Variants in SENP7 observed in about 807,000 individuals in gnomAD.
SENP7 encodes SUMO specific peptidase 7.
Under a neutral mutation model 141.2 loss-of-function variants are expected in SENP7, and 64 were observed. The observed-to-expected ratio is 0.45, with a 90% CI of 0.37 to 0.56. The LOEUF (loss-of-function observed/expected upper bound fraction) is 0.56, where lower values mean the gene tolerates loss of function less well. Among genes scored for constraint, SENP7 ranks in the 20% least tolerant of loss-of-function variants. SENP7 has a pLI of 0.00. For missense variants in SENP7, 1,025 were observed against 1,212.2 expected (o/e 0.85, Z 2.29); for synonymous variants, 382 against 426.4 (o/e 0.90, Z 1.28).
chr3:101,465,241 C>T (rs2063722668), intron 3 of SENP7, among the ~76,000 whole-genome samples: 1 of 152,166 alleles, frequency 6.6e-6, no homozygotes, highest in South Asian at 2.1e-4. Flanking sequence ...CCCCCTCACC[C>T]CCGCCACTGG....
intron 3 of SENP7, among the ~76,000 whole-genome samples, chr3:101,476,853 G>C (rs1439161024): frequency 6.6e-6 from 1 of 152,206 alleles, no homozygotes; most frequent in Non-Finnish European, 1.5e-5. Context: ...AATGACCAGT[G>C]ATGATGAGCT....
intron 3 of SENP7, among the ~76,000 whole-genome samples, chr3:101,478,231 T>G (rs1157954693): frequency 6.6e-6 from 1 of 151,576 alleles, no homozygotes; most frequent in Non-Finnish European, 1.5e-5. Flanking sequence ...CAAGACTGAG[T>G]GAGTAGGCCA....
chr3:101,374,876 A>C (rs758392964), intron 6 of SENP7, among the ~76,000 whole-genome samples: 6 of 152,138 alleles, frequency 3.9e-5, no homozygotes, highest in Non-Finnish European at 7.3e-5. Flanking sequence ...TATATATTAA[A>C]GGATTAATAC....
At chr3:101,484,702 A>G (rs574459448) in intron 3 of SENP7, among the ~76,000 whole-genome samples, 3 of 152,332 alleles carry the variant, frequency 2.0e-5, no homozygotes, top group Admixed American at 6.5e-5. Context: ...ATACAGGGGT[A>G]GAGGAAGCAG....
At chr3:101,340,001 A>T in intron 16 of SENP7, 94 bp downstream of exon 16, 2 of 1,407,992 alleles carry the variant, frequency 1.4e-6, no homozygotes, top group Non-Finnish European at 1.9e-6. Context: ...GCTACTTTTA[A>T]CAGAATTTAA....
chr3:101,382,346 C>CT (rs1559747571), intron 6 of SENP7, among the ~76,000 whole-genome samples: 2 of 151,880 alleles, frequency 1.3e-5, no homozygotes, highest in South Asian at 2.1e-4. Context: ...CTGACTAATT[C>CT]TTTTTTTAAA....
intron 6 of SENP7, among the ~76,000 whole-genome samples, chr3:101,385,180 T>C (rs1314166226): frequency 6.6e-6 from 1 of 152,082 alleles, no homozygotes; most frequent in African/African-American, 2.4e-5. Context: ...ACAGTATATA[T>C]ATATGTGCCA....
intron 5 of SENP7, among the ~76,000 whole-genome samples, chr3:101,411,513 A>C (rs1458249329): frequency 6.6e-6 from 1 of 152,188 alleles, no homozygotes; most frequent in African/African-American, 2.4e-5. Context: ...TACCCTGAGG[A>C]AACAAGGAAC....
intron 6 of SENP7, among the ~76,000 whole-genome samples, chr3:101,393,231 TG>T (rs2060865507): frequency 6.6e-6 from 1 of 152,078 alleles, no homozygotes; most frequent in Non-Finnish European, 1.5e-5. Context: ...GACCTGAAAA[TG>T]TAAAATTTCC....
chr3:101,361,244 T>G (rs1233729386), intron 11 of SENP7, among the ~76,000 whole-genome samples: 1 of 149,840 alleles, frequency 6.7e-6, no homozygotes, highest in African/African-American at 2.5e-5. Flanking sequence ...GAGAACCGAG[T>G]AGAATCCAGT....
intron 4 of SENP7, among the ~76,000 whole-genome samples, chr3:101,443,842 G>C (rs548059252): frequency 6.8e-6 from 1 of 146,758 alleles, no homozygotes; most frequent in Non-Finnish European, 1.5e-5. Context: ...AGGAGATTTT[G>C]GGCTGAGACG....
intron 4 of SENP7, among the ~76,000 whole-genome samples, chr3:101,443,048 G>A (rs1400000839): frequency 6.6e-6 from 1 of 152,184 alleles, no homozygotes; most frequent in African/African-American, 2.4e-5. Flanking sequence ...GAATGGTAAT[G>A]CCGAGGTTTT....
intron 4 of SENP7, among the ~76,000 whole-genome samples, chr3:101,449,909 T>C (rs532654869): frequency 6.6e-6 from 1 of 151,218 alleles, no homozygotes; most frequent in African/African-American, 2.4e-5. Flanking sequence ...CCAATTAAAA[T>C]ACACTGGCAA....
chr3:101,340,411 A>T, intron 15 of SENP7, 200 bp from the exon 16 acceptor site: 1 of 599,284 alleles, frequency 1.7e-6, no homozygotes, highest in Non-Finnish European at 2.7e-6. Flanking sequence ...ATTGAGTATT[A>T]TCTTTTCTTT....
intron 3 of SENP7, among the ~76,000 whole-genome samples, chr3:101,460,386 C>A (rs1380497917): frequency 6.6e-6 from 1 of 152,108 alleles, no homozygotes; most frequent in East Asian, 1.9e-4. Context: ...TAGAAATAAA[C>A]CCATATATCT....
chr3:101,343,639 T>A (rs1356188023), intron 14 of SENP7, 47 bp downstream of exon 14: 5 of 1,544,818 alleles, frequency 3.2e-6, no homozygotes. Flanking sequence ...AATAAATGTT[T>A]TCTGAACCTC....
At chr3:101,430,486 T>C (rs931727151) in intron 4 of SENP7, among the ~76,000 whole-genome samples, 67 of 152,228 alleles carry the variant, frequency 4.4e-4, no homozygotes, top group Non-Finnish European at 8.5e-4. Context: ...GAAGTGTTTA[T>C]AGTATTCTCT....
intron 5 of SENP7, among the ~76,000 whole-genome samples, chr3:101,410,897 A>ATTCTT (rs1217508377): frequency 6.6e-6 from 1 of 152,004 alleles, no homozygotes; most frequent in Admixed American, 6.6e-5. Context: ...AAAGAATTAG[A>ATTCTT]TATGGTATCT....
At chr3:101,415,017 C>G (rs2061571043) in intron 5 of SENP7, among the ~76,000 whole-genome samples, 1 of 152,202 alleles carries the variant, frequency 6.6e-6, no homozygotes, top group African/African-American at 2.4e-5. Flanking sequence ...AAGATATTTT[C>G]TCTTTGTTGC....
Sources: allele counts gnomAD v4.1 joint callset (sites outside exome capture counted in the v4.1 genomes callset), GRCh38; gene constraint gnomAD v4.1.1; transcripts MANE v1.5; gene names NCBI Gene and HGNC (gene_info 2026-07-23, HGNC 2026-07-21).